HGF: variants seen among roughly 807,000 people sequenced by gnomAD.
HGF encodes fibroblast-derived tumor cytotoxic factor.
In HGF, 39 loss-of-function variants were observed where a neutral mutation model predicts 111.6. The observed-to-expected ratio is 0.35, with a 90% CI of 0.27 to 0.46. HGF has a LOEUF of 0.46. Among genes scored for constraint, HGF ranks in the 20% least tolerant of loss-of-function variants. The pLI, the probability that HGF is intolerant of heterozygous loss-of-function variation, is 1.00. For synonymous variants in HGF, 285 were observed against 294.8 expected, an observed-to-expected ratio of 0.97 and a Z score of 0.34; for missense variants, 735 against 910.5, an observed-to-expected ratio of 0.81 and a Z score of 2.48.
At chr7:81,725,824 G>A (rs1483697346) in intron 9 of HGF, 66 bp downstream of exon 9, 1 of 1,548,764 alleles carries the variant, frequency 6.5e-7, no homozygotes, top group South Asian at 1.1e-5. Context: ...GCTGTAAAAT[G>A]TGTCCTCCCT....
At chr7:81,730,645 A>C (rs1184467021) in intron 7 of HGF, among the ~76,000 whole-genome samples, 1 of 152,080 alleles carries the variant, frequency 6.6e-6, no homozygotes, top group Admixed American at 6.6e-5. Context: ...AAGTAATAAA[A>C]GTATAAAATT....
At chr7:81,761,958 C>T (rs1252176778) in intron 2 of HGF, among the ~76,000 whole-genome samples, 1 of 152,114 alleles carries the variant, frequency 6.6e-6, no homozygotes, top group Non-Finnish European at 1.5e-5. Flanking sequence ...TGTGGCAGAT[C>T]CAACAGGAGG....
intron 12 of HGF, 134 bp downstream of exon 12, chr7:81,711,347 A>T: frequency 2.1e-6 from 1 of 470,550 alleles, no homozygotes; most frequent in Admixed American, 3.9e-5. Context: ...ATATTTTAAA[A>T]AGTAAAAATA....
chr7:81,714,157 G>A (rs1272254221), intron 11 of HGF, among the ~76,000 whole-genome samples: 2 of 151,922 alleles, frequency 1.3e-5, no homozygotes, highest in Non-Finnish European at 2.9e-5. Context: ...AGAAATCGAT[G>A]TTCACATTCT....
chr7:81,744,303 A>T (rs370552375), intron 6 of HGF, among the ~76,000 whole-genome samples: 3 of 146,500 alleles, frequency 2.0e-5, no homozygotes, highest in African/African-American at 7.6e-5. Context: ...AGTAGACATG[A>T]TTTTTTTTTT....
chr7:81,721,424 C>A (rs1328596737), intron 9 of HGF, among the ~76,000 whole-genome samples: 1 of 151,890 alleles, frequency 6.6e-6, no homozygotes, highest in Non-Finnish European at 1.5e-5. Flanking sequence ...AATGAGTGGC[C>A]CTTTGGAACA....
At chr7:81,722,173 A>G (rs1331707022) in intron 9 of HGF, among the ~76,000 whole-genome samples, 1 of 151,976 alleles carries the variant, frequency 6.6e-6, no homozygotes, top group Non-Finnish European at 1.5e-5. Flanking sequence ...ATTGTTCCAA[A>G]TTTGGCCAAT....
At chr7:81,741,914 G>A (rs1296693258) in intron 7 of HGF, among the ~76,000 whole-genome samples, 1 of 96,446 alleles carries the variant, frequency 1.0e-5, no homozygotes, top group East Asian at 3.5e-4. Flanking sequence ...CTCCAGCTTG[G>A]ACAACAAGAG....
At chr7:81,739,446 A>ATG (rs1327980801) in intron 7 of HGF, among the ~76,000 whole-genome samples, 3 of 152,208 alleles carry the variant, frequency 2.0e-5, no homozygotes, top group African/African-American at 4.8e-5. Flanking sequence ...ACATGCACGT[A>ATG]TGTATACACA....
At chr7:81,737,317 G>A (rs955523630) in intron 7 of HGF, among the ~76,000 whole-genome samples, 3 of 152,000 alleles carry the variant, frequency 2.0e-5, no homozygotes, top group Admixed American at 6.6e-5. Context: ...GAGAAGAGGC[G>A]AGTTTCTGGT....
At chr7:81,733,683 TACG>T (rs1192126562) in intron 7 of HGF, among the ~76,000 whole-genome samples, 32 of 152,140 alleles carry the variant, frequency 2.1e-4, no homozygotes, top group African/African-American at 7.5e-4. Flanking sequence ...GATATATTAG[TACG>T]ACAAGGTAAC....
intron 4 of HGF, 77 bp from the exon 5 acceptor site, chr7:81,752,339 G>T (rs1788547472): frequency 3.4e-6 from 4 of 1,191,678 alleles, no homozygotes; most frequent in Non-Finnish European, 5.0e-6. Context: ...TAATTAGTGG[G>T]TATGTTTTTG....
At position 81,729,596 on chromosome 7, in the gene HGF, T is replaced by G. The variant is rs540992773; in HGVS notation, c.1040+9A>C. On this transcript the variant is annotated intron_variant, in intron 8 of 17. Coordinates refer to ENST00000222390, the MANE Select transcript of HGF (RefSeq NM_000601.6). ...ACTGAAATGTATAACATTTGCCTACTTTACTCACTTGCACTTGAAATTTTC... is the reference window on the plus strand; with the variant it reads ...ACTGAAATGTATAACATTTGCCTACGTTACTCACTTGCACTTGAAATTTTC... The G allele has an allele frequency of 6.2e-7, 1 of 1,605,974 alleles. No individual in the cohort carries two copies. The highest frequency in any genetic ancestry group is 2.2e-5 in the East Asian group (1 of 44,816).
chr7:81,739,120 T>C (rs901151491), intron 7 of HGF, among the ~76,000 whole-genome samples: 5 of 152,108 alleles, frequency 3.3e-5, no homozygotes, highest in Non-Finnish European at 7.4e-5. Flanking sequence ...ATATATGTCA[T>C]CTACCCAATA....
chr7:81,734,701 T>C (rs1051959984), intron 7 of HGF, among the ~76,000 whole-genome samples: 1 of 152,126 alleles, frequency 6.6e-6, no homozygotes, highest in Non-Finnish European at 1.5e-5. Flanking sequence ...CACAGGGCCC[T>C]GATAGAGGTC....
intron 2 of HGF, among the ~76,000 whole-genome samples, chr7:81,760,372 A>G (rs1293819925): frequency 6.6e-6 from 1 of 152,186 alleles, no homozygotes; most frequent in Non-Finnish European, 1.5e-5. Flanking sequence ...CCTACCCAGC[A>G]AAGAATAATT....
chr7:81,752,887 T>C (rs1243009549), intron 4 of HGF, among the ~76,000 whole-genome samples: 1 of 152,076 alleles, frequency 6.6e-6, no homozygotes, highest in Non-Finnish European at 1.5e-5. Flanking sequence ...CCATAACCTT[T>C]AACATCTTAC....
intron 10 of HGF, among the ~76,000 whole-genome samples, chr7:81,720,261 G>A (rs546794592): frequency 1.2e-3 from 181 of 152,096 alleles, no homozygotes; most frequent in African/African-American, 4.3e-3. Flanking sequence ...TAATAGTTAA[G>A]GTTTAGTATT....
chr7:81,746,994 T>C (rs1041621688), intron 5 of HGF, among the ~76,000 whole-genome samples: 2 of 152,160 alleles, frequency 1.3e-5, no homozygotes, highest in African/African-American at 2.4e-5. Flanking sequence ...CTGCTGTTGC[T>C]GGTACTTGGA....
Sources: allele counts gnomAD v4.1 joint callset (sites outside exome capture counted in the v4.1 genomes callset), GRCh38; gene constraint gnomAD v4.1.1; transcripts MANE v1.5; gene names NCBI Gene and HGNC (gene_info 2026-07-23, HGNC 2026-07-21).